CBLB: variants seen among roughly 807,000 people sequenced by gnomAD.
CBLB encodes E3 ubiquitin-protein ligase CBL-B.
A neutral mutation model predicts 104.9 loss-of-function variants in CBLB; 31 were observed. The observed-to-expected ratio is 0.30, with a 90% CI of 0.22 to 0.40. The LOEUF (loss-of-function observed/expected upper bound fraction) is 0.40. Ranked by LOEUF, CBLB falls within the 10% of genes least tolerant of loss-of-function variation. The pLI, the probability that CBLB is intolerant of heterozygous loss-of-function variation, is 1.00. For missense variants in CBLB, 1,062 were observed against 1,214.6 expected, an observed-to-expected ratio of 0.87 and a Z score of 1.87; for synonymous variants, 440 against 422.6, an observed-to-expected ratio of 1.04 and a Z score of -0.51.
At chr3:105,674,214 T>C (rs2065366594) in intron 17 of CBLB, among the ~76,000 whole-genome samples, 1 of 152,232 alleles carries the variant, frequency 6.6e-6, no homozygotes, top group Admixed American at 6.5e-5. Flanking sequence ...AGGACTTCAC[T>C]CCTCAGATTT....
intron 4 of CBLB, among the ~76,000 whole-genome samples, chr3:105,756,978 G>A (rs369437748): frequency 2.0e-5 from 3 of 152,176 alleles, no homozygotes; most frequent in Admixed American, 6.5e-5. Flanking sequence ...TTAAGTGCAC[G>A]GCACCTCCCC....
intron 8 of CBLB, among the ~76,000 whole-genome samples, chr3:105,734,594 T>C (rs528680193): frequency 6.6e-6 from 1 of 152,332 alleles, no homozygotes; most frequent in African/African-American, 2.4e-5. Context: ...TAGAAATCCC[T>C]GAATGCAAGA....
rs114806102 is a variant in CBLB, at chr3:105,853,613, T to C, written c.220A>G (p.Ile74Val). 4.3e-6 allele frequency: 7 copies of C among 1,609,662 alleles called. No homozygotes were observed. The highest frequency in any genetic ancestry group is 1.3e-5 in the African/African-American group (1 of 74,812). Residue 74 changes from isoleucine (I) to valine (V), a missense_variant, in exon 3 of 19, where the codon ATA (isoleucine) becomes GTA (valine). By Grantham distance (29) the Ile-to-Val change is conservative. Transcript: ENST00000394030. ...TATGTATCAGGCAAAATATCAAGTA[T>C]ATATGGTGGGCTATTTTTCAACTGA... ...KLQLKNSPPY[I>V]LDILPDTYQH...
intron 12 of CBLB, among the ~76,000 whole-genome samples, chr3:105,696,762 T>A (rs777466180): frequency 2.6e-5 from 4 of 151,948 alleles, no homozygotes; most frequent in Non-Finnish European, 5.9e-5. Context: ...AAATTATGAT[T>A]ACTTAATGTA....
intron 3 of CBLB, among the ~76,000 whole-genome samples, chr3:105,796,748 C>A (rs1395732994): frequency 6.6e-6 from 1 of 152,054 alleles, no homozygotes; most frequent in Non-Finnish European, 1.5e-5. Context: ...AAAAAACAAC[C>A]CCATTAAAAA....
chr3:105,717,782 A>T (rs941345512), intron 10 of CBLB, among the ~76,000 whole-genome samples: 1 of 152,198 alleles, frequency 6.6e-6, no homozygotes, highest in African/African-American at 2.4e-5. Context: ...ATAGTGATGA[A>T]ATGATTTCTA....
Position 105,813,180 on chromosome 3 carries a change from T to A in CBLB, c.420-36638A>T, listed in dbSNP as rs187203361. Among the ~76,000 whole-genome samples, 250 of 152,086 alleles carry A rather than the reference T, an allele frequency of 1.6e-3. 1 individual carries two copies. The highest frequency in any genetic ancestry group is 4.4e-3 in the African/African-American group (183 of 41,530). On this transcript the variant is annotated intron_variant, in intron 3 of 18. Transcript: ENST00000394030. The stretch of plus-strand genomic sequence containing the variant: ...CAAGAAGGAAGAGTAATAAAATGAT[T>A]AAGAAACAACTCCAGAAAATATTTC...
chr3:105,863,620 T>C (rs1419996911), intron 2 of CBLB, among the ~76,000 whole-genome samples: 1 of 152,170 alleles, frequency 6.6e-6, no homozygotes, highest in Non-Finnish European at 1.5e-5. Context: ...CAAGCATCCT[T>C]GATTGACAAA....
chr3:105,796,184 C>T (rs2082240209), intron 3 of CBLB, among the ~76,000 whole-genome samples: 3 of 152,200 alleles, frequency 2.0e-5, no homozygotes, highest in Non-Finnish European at 4.4e-5. Flanking sequence ...CAATACCTGA[C>T]TTCAAACTAT....
At chr3:105,687,645 A>AT (rs1576344648) in intron 13 of CBLB, among the ~76,000 whole-genome samples, 1 of 152,066 alleles carries the variant, frequency 6.6e-6, no homozygotes, top group African/African-American at 2.4e-5. Context: ...CACCATTTTA[A>AT]TAAAGTTCTA....
intron 3 of CBLB, among the ~76,000 whole-genome samples, chr3:105,838,848 C>G (rs143556733): frequency 3.0e-4 from 45 of 152,148 alleles, no homozygotes; most frequent in African/African-American, 9.6e-4. Context: ...CCATGTTGGC[C>G]AGGATGGTCT....
intron 10 of CBLB, among the ~76,000 whole-genome samples, chr3:105,712,732 T>C (rs1006255831): frequency 1.3e-5 from 2 of 152,222 alleles, no homozygotes; most frequent in African/African-American, 4.8e-5. Context: ...GTTTCAAACT[T>C]GAAGCATGGT....
chr3:105,868,253 G>A (rs1470543529), intron 1 of CBLB: 2 of 1,230,252 alleles, frequency 1.6e-6, no homozygotes, highest in African/African-American at 3.1e-5. Context: ...AAAGAGAAAA[G>A]AGAAAAATGA....
At chr3:105,810,342 T>TA (rs973570790) in intron 3 of CBLB, among the ~76,000 whole-genome samples, 3 of 152,176 alleles carry the variant, frequency 2.0e-5, no homozygotes, top group African/African-American at 7.2e-5. Flanking sequence ...AATGTCCTGG[T>TA]AAAAAATTAA....
chr3:105,816,283 G>A (rs995308575), intron 3 of CBLB, among the ~76,000 whole-genome samples: 1 of 151,992 alleles, frequency 6.6e-6, no homozygotes, highest in African/African-American at 2.4e-5. Context: ...GTAAAAATTA[G>A]TAAATTGACT....
chr3:105,659,647 T>C (rs557561930), intron 18 of CBLB, among the ~76,000 whole-genome samples: 3 of 152,292 alleles, frequency 2.0e-5, no homozygotes, highest in African/African-American at 7.2e-5. Flanking sequence ...CTTGGGAGGT[T>C]TCTATGAGAG....
chr3:105,701,207 T>C (rs1474267101), intron 12 of CBLB, among the ~76,000 whole-genome samples: 1 of 152,208 alleles, frequency 6.6e-6, no homozygotes, highest in Non-Finnish European at 1.5e-5. Flanking sequence ...CCTGGACATA[T>C]AAATGATAGT....
chr3:105,791,242 C>T (rs2152995161), intron 3 of CBLB, among the ~76,000 whole-genome samples: 1 of 152,236 alleles, frequency 6.6e-6, no homozygotes, highest in Non-Finnish European at 1.5e-5. Flanking sequence ...CACCAGAAGC[C>T]TATGTCTTAG....
chr3:105,757,332 A>C (rs768577491), intron 4 of CBLB, among the ~76,000 whole-genome samples: 10 of 152,214 alleles, frequency 6.6e-5, no homozygotes, highest in Non-Finnish European at 1.3e-4. Context: ...GAATTCCATA[A>C]ACATAAAGAG....
Sources: gnomAD v4.1 joint callset for allele counts (sites outside exome capture counted in the v4.1 genomes callset) on GRCh38, gnomAD v4.1.1 for gene constraint, MANE v1.5 for transcripts, NCBI Gene and HGNC (gene_info 2026-07-23, HGNC 2026-07-21) for gene names.